ZNF322: variants seen among roughly 807,000 people sequenced by gnomAD.
ZNF322 encodes zinc finger protein 322, also known as HLA complex group 12.
ZNF322 carries 1 observed loss-of-function variant against 18.3 expected under a neutral mutation model. That is an observed-to-expected ratio of 0.05 (90% CI 0.02 to 0.26). ZNF322 has a LOEUF of 0.26. Ranked by LOEUF, ZNF322 falls within the 10% of genes least tolerant of loss-of-function variation. The probability of loss-of-function intolerance (pLI) is 1.00; values close to 1 mark genes in which losing one functional copy is unlikely to be tolerated. For synonymous variants in ZNF322, 17 were observed against 130.7 expected (o/e 0.13, Z 5.93); for missense variants, 36 against 403.6 (o/e 0.09, Z 7.80).
intron 2 of ZNF322, among the ~76,000 whole-genome samples, chr6:26,652,522 C>T (rs1765689538): frequency 6.6e-6 from 1 of 152,070 alleles, no homozygotes; most frequent in Admixed American, 6.6e-5. Flanking sequence ...AACCCCTTCT[C>T]TACTAAAAAT....
intron 2 of ZNF322, among the ~76,000 whole-genome samples, chr6:26,645,621 C>T (rs1257752346): frequency 1.3e-5 from 2 of 151,990 alleles, no homozygotes; most frequent in African/African-American, 4.8e-5. Context: ...AACTAAAAAA[C>T]CATCTGAAGC....
intron 2 of ZNF322, among the ~76,000 whole-genome samples, chr6:26,649,760 A>G (rs1244865624): frequency 7.6e-6 from 1 of 132,070 alleles, no homozygotes; most frequent in African/African-American, 2.9e-5. Context: ...CTGGAGTGCA[A>G]TGGCGTGATC....
chr6:26,651,723 T>TA (rs1223518431), intron 2 of ZNF322, among the ~76,000 whole-genome samples: 2 of 152,034 alleles, frequency 1.3e-5, no homozygotes, highest in African/African-American at 2.4e-5. Flanking sequence ...ACTTCTCAAT[T>TA]AAAAAAAATT....
intron 1 of ZNF322, among the ~76,000 whole-genome samples, chr6:26,659,016 G>A (rs1301871645): frequency 6.6e-6 from 1 of 152,164 alleles, no homozygotes; most frequent in African/African-American, 2.4e-5. Flanking sequence ...AAACCCCAAA[G>A]TGCATGTGAT....
At position 26,636,359 on chromosome 6, in the gene ZNF322, G is replaced by A. The variant is rs1765352242; in HGVS notation, c.*986C>T. On this transcript the variant is annotated 3_prime_UTR_variant, in exon 4 of 4. Transcript: ENST00000415922. ...AAAGTAAAAGTAAAGCAATCATTAA[G>A]TAGTTCAGATAAAAGAAAAGCATCT... The A allele has an allele frequency of 1.5e-5, 2 of 137,148 alleles. No individual in the cohort carries two copies. The highest frequency in any genetic ancestry group is 2.6e-4 in the South Asian group (1 of 3,888). The allele number at this position is 137,148 out of a possible 1,614,324, so 8.5% of individuals were successfully genotyped here.
chr6:26,649,701 ATT>A (rs1321909101), intron 2 of ZNF322, among the ~76,000 whole-genome samples: 1,092 of 76,646 alleles, frequency 0.014, 19 homozygotes, highest in African/African-American at 0.049. Context: ...ATATATATAT[ATT>A]TTTTTTTTTT....
intron 3 of ZNF322, among the ~76,000 whole-genome samples, chr6:26,642,217 A>G (rs765702758): frequency 4.6e-5 from 7 of 152,022 alleles, no homozygotes; most frequent in Non-Finnish European, 8.8e-5. Flanking sequence ...CTTTGCTCAC[A>G]TGTTTTCCTG....
At chr6:26,651,307 G>A (rs1234304595) in intron 2 of ZNF322, 7 of 151,224 alleles carry the variant, frequency 4.6e-5, no homozygotes, top group Admixed American at 4.6e-4. Context: ...GAACTTGGAG[G>A]ACATTATGTT....
intron 2 of ZNF322, among the ~76,000 whole-genome samples, chr6:26,644,175 A>G (rs1416433463): frequency 6.6e-6 from 1 of 152,264 alleles, no homozygotes; most frequent in Non-Finnish European, 1.5e-5. Flanking sequence ...TTCAAAATTT[A>G]TAACACCCTA....
chr6:26,644,371 A>C (rs1765518345), intron 2 of ZNF322, among the ~76,000 whole-genome samples: 1 of 152,182 alleles, frequency 6.6e-6, no homozygotes, highest in Admixed American at 6.5e-5. Flanking sequence ...CAGAAGCAAA[A>C]ATGGAACTAC....
chr6:26,646,384 A>G (rs1765560157), intron 2 of ZNF322, among the ~76,000 whole-genome samples: 1 of 152,208 alleles, frequency 6.6e-6, no homozygotes, highest in African/African-American at 2.4e-5. Flanking sequence ...CTAGGCAAAC[A>G]GAAACAATAA....
At chr6:26,650,959 T>C (rs915267900) in intron 2 of ZNF322, among the ~76,000 whole-genome samples, 1 of 152,176 alleles carries the variant, frequency 6.6e-6, no homozygotes, top group Admixed American at 6.5e-5. Context: ...AGACCTAGAT[T>C]AGCGATCATA....
intron 2 of ZNF322, among the ~76,000 whole-genome samples, chr6:26,649,696 TA>T (rs57962582): frequency 0.014 from 845 of 59,762 alleles, 65 homozygotes; most frequent in African/African-American, 0.036. Flanking sequence ...TATATATATA[TA>T]TATATTTTTT....
chr6:26,649,701 A>ATATATATT (rs1561925001), intron 2 of ZNF322, among the ~76,000 whole-genome samples: 4 of 76,794 alleles, frequency 5.2e-5, no homozygotes, highest in South Asian at 5.0e-4. Flanking sequence ...ATATATATAT[A>ATATATATT]TTTTTTTTTT....
intron 2 of ZNF322, among the ~76,000 whole-genome samples, chr6:26,647,287 GA>G (rs1158580578): frequency 1.3e-4 from 20 of 150,596 alleles, no homozygotes; most frequent in African/African-American, 2.2e-4. Context: ...TTTTTAATGG[GA>G]AAAAAAATCA....
intron 2 of ZNF322, among the ~76,000 whole-genome samples, chr6:26,649,196 AG>A (rs1765608238): frequency 6.6e-6 from 1 of 152,242 alleles, no homozygotes; most frequent in African/African-American, 2.4e-5. Flanking sequence ...CAGACTATGA[AG>A]GGTAACTAAA....
intron 3 of ZNF322, among the ~76,000 whole-genome samples, chr6:26,641,688 G>C (rs1175861559): frequency 6.6e-6 from 1 of 152,196 alleles, no homozygotes; most frequent in Non-Finnish European, 1.5e-5. Context: ...GGCTGTGCAG[G>C]ATGTGCCTTG....
At chr6:26,657,359 G>A (rs564745962) in intron 2 of ZNF322, among the ~76,000 whole-genome samples, 5 of 152,026 alleles carry the variant, frequency 3.3e-5, no homozygotes, top group African/African-American at 9.6e-5. Flanking sequence ...GCACCTCTGC[G>A]TTATCTTCAG....
chr6:26,640,043 A>G (rs1210522632), intron 3 of ZNF322, among the ~76,000 whole-genome samples: 3 of 152,044 alleles, frequency 2.0e-5, no homozygotes, highest in African/African-American at 7.2e-5. Flanking sequence ...TGCATTATCA[A>G]TTTATTCCTT....
Sources: gnomAD v4.1 joint callset for allele counts (sites outside exome capture counted in the v4.1 genomes callset) on GRCh38, gnomAD v4.1.1 for gene constraint, MANE v1.5 for transcripts, NCBI Gene and HGNC (gene_info 2026-07-23, HGNC 2026-07-21) for gene names.